The following GAREM1 variants were observed in gnomAD, a reference collection of about 807,000 sequenced individuals.
GAREM1 encodes GRB2 associated regulator of MAPK1 subtype 1.
In GAREM1, 26 loss-of-function variants were observed where a neutral mutation model predicts 71.3. That is an observed-to-expected ratio of 0.36 (90% CI 0.27 to 0.51). The LOEUF is 0.51. Among genes scored for constraint, GAREM1 ranks in the 20% least tolerant of loss-of-function variants. The pLI is 0.95. For missense variants in GAREM1, 1,026 were observed against 1,103.1 expected (o/e 0.93, Z 0.99); for synonymous variants, 440 against 433.2 (o/e 1.02, Z -0.20).
intron 1 of GAREM1, among the ~76,000 whole-genome samples, chr18:32,441,713 G>T (rs367582519): frequency 2.0e-5 from 3 of 151,986 alleles, no homozygotes; most frequent in Non-Finnish European, 2.9e-5. Flanking sequence ...CTCCTTCTTC[G>T]GACACAAGCC....
At chr18:32,433,473 A>G (rs1311216070) in intron 1 of GAREM1, among the ~76,000 whole-genome samples, 1 of 151,870 alleles carries the variant, frequency 6.6e-6, no homozygotes, top group African/African-American at 2.4e-5. Context: ...TTAAAAACAT[A>G]TAATTAAAAA....
At chr18:32,294,030 A>G (rs1477563451) in intron 3 of GAREM1, among the ~76,000 whole-genome samples, 1 of 152,266 alleles carries the variant, frequency 6.6e-6, no homozygotes, top group African/African-American at 2.4e-5. Flanking sequence ...GAAATAAGTA[A>G]TTGTTCCAGA....
intron 1 of GAREM1, among the ~76,000 whole-genome samples, chr18:32,425,218 A>G (rs1369226733): frequency 2.6e-5 from 4 of 152,154 alleles, no homozygotes; most frequent in African/African-American, 7.2e-5. Context: ...TTAAAAATAT[A>G]TATTTTTTCC....
intron 1 of GAREM1, among the ~76,000 whole-genome samples, chr18:32,469,521 G>C (rs774756252): frequency 4.3e-4 from 65 of 152,300 alleles, no homozygotes; most frequent in Non-Finnish European, 8.1e-4. Context: ...GTGTCTACTT[G>C]CTTGACAGTA....
chr18:32,306,451 T>C (rs750501525), intron 3 of GAREM1, among the ~76,000 whole-genome samples: 41 of 144,538 alleles, frequency 2.8e-4, no homozygotes, highest in Non-Finnish European at 5.3e-4. Context: ...CATCACAGAA[T>C]GTTTAGCAGC....
chr18:32,418,618 T>G (rs761902242), intron 1 of GAREM1, among the ~76,000 whole-genome samples: 3 of 152,134 alleles, frequency 2.0e-5, no homozygotes, highest in Non-Finnish European at 4.4e-5. Context: ...ACTGAGAGGC[T>G]AAGGCCTTTC....
chr18:32,282,287 G>A (rs1431258454), intron 4 of GAREM1, among the ~76,000 whole-genome samples: 13 of 152,126 alleles, frequency 8.5e-5, no homozygotes, highest in African/African-American at 1.7e-4. Context: ...TTAGCCAGGC[G>A]TGGTGGCGTG....
In GAREM1 at chr18:32,265,280, C is replaced by T. The variant is rs1423435284; in HGVS notation, c.*2591G>A. 6.6e-6 allele frequency: 1 copy of T among 151,926 alleles called. No individual in the cohort carries two copies. The highest frequency in any genetic ancestry group is 2.4e-5 in the African/African-American group (1 of 41,330). 9.4% of individuals were successfully genotyped at this position (151,926 alleles called of 1,614,324 possible). A position where few individuals can be genotyped will look rare whatever the true frequency, so the allele number is the denominator to read the frequency against. On this transcript the variant is annotated 3_prime_UTR_variant, in exon 6 of 6. Coordinates refer to ENST00000269209, the MANE Select transcript of GAREM1 (RefSeq NM_001242409.2). ...AGTAAAAAAAACAAAAAACAAAAAA[C>T]AAAAAAACAACAACACTAGGCAATG... is the stretch of plus-strand genomic sequence containing the variant.
chr18:32,346,219 G>C (rs1200596437), intron 2 of GAREM1, among the ~76,000 whole-genome samples: 1 of 151,950 alleles, frequency 6.6e-6, no homozygotes, highest in East Asian at 1.9e-4. Flanking sequence ...CATGTAAATT[G>C]CCATGTTTAT....
chr18:32,295,567 G>C (rs1567953365), intron 3 of GAREM1, among the ~76,000 whole-genome samples: 1 of 152,132 alleles, frequency 6.6e-6, no homozygotes, highest in African/African-American at 2.4e-5. Flanking sequence ...ATCAATATGT[G>C]TTTAGAAAAC....
intron 2 of GAREM1, among the ~76,000 whole-genome samples, chr18:32,334,157 A>G (rs1267782584): frequency 6.6e-6 from 1 of 152,168 alleles, no homozygotes; most frequent in Non-Finnish European, 1.5e-5. Flanking sequence ...TCAATTCCCA[A>G]TCTAACTTAG....
chr18:32,361,965 A>G (rs1055841716), intron 2 of GAREM1, among the ~76,000 whole-genome samples: 5 of 152,192 alleles, frequency 3.3e-5, no homozygotes, highest in Non-Finnish European at 5.9e-5. Flanking sequence ...CACTTGAAAA[A>G]TGACTCTTTT....
chr18:32,411,046 G>C lies in GAREM1; in HGVS notation c.122-18011C>G, dbSNP rs937357146. On this transcript the variant is annotated intron_variant, in intron 1 of 5. Coordinates refer to ENST00000269209, the MANE Select transcript of GAREM1 (RefSeq NM_001242409.2). ...TCGAACTCCTGACCTCAAGTGATCTGCCCACCTCAGCCTCCCAAAGTGCTG... is the reference window on the plus strand; with the variant it reads ...TCGAACTCCTGACCTCAAGTGATCTCCCCACCTCAGCCTCCCAAAGTGCTG... Among the ~76,000 whole-genome samples, 6 of 152,096 alleles carry C rather than the reference G, an allele frequency of 3.9e-5. No homozygotes were observed. The South Asian group carries it at 1.2e-3, about 32-fold the overall frequency.
intron 2 of GAREM1, among the ~76,000 whole-genome samples, chr18:32,319,437 A>T (rs2047409569): frequency 6.6e-6 from 1 of 152,234 alleles, no homozygotes; most frequent in Non-Finnish European, 1.5e-5. Context: ...AAAGATATGC[A>T]GCACTTCATT....
intron 2 of GAREM1, among the ~76,000 whole-genome samples, chr18:32,361,539 CTCT>C (rs1272894075): frequency 5.9e-5 from 9 of 152,222 alleles, no homozygotes; most frequent in African/African-American, 1.9e-4. Flanking sequence ...GAGGCGAACT[CTCT>C]TCAAGTTTTG....
rs945986473 is a variant in GAREM1, at chr18:32,308,429, C to A, written c.393+1764G>T. 4.0e-5 allele frequency among the ~76,000 whole-genome samples: 6 copies of A among 149,990 alleles called. 1 individual carries two copies. Among genetic ancestry groups the A allele is most frequent in the African/African-American group, 1.5e-4 (6 of 40,452 alleles). On this transcript the variant is annotated intron_variant, in intron 3 of 5. Coordinates refer to ENST00000269209, the MANE Select transcript of GAREM1 (RefSeq NM_001242409.2). ...GTTACATTTTAATACTAGAGAAAAT[C>A]TTTAAAAATCACTTAAAAATTTACA...
At chr18:32,393,151 C>A in intron 1 of GAREM1, 116 bp from the exon 2 acceptor site, 2 of 924,702 alleles carry the variant, frequency 2.2e-6, no homozygotes, top group Non-Finnish European at 3.1e-6. Flanking sequence ...CAGTTCATCC[C>A]AAGATGAGAT....
intron 2 of GAREM1, among the ~76,000 whole-genome samples, chr18:32,349,694 G>T (rs2047729210): frequency 6.6e-6 from 1 of 152,144 alleles, no homozygotes; most frequent in Non-Finnish European, 1.5e-5. Context: ...AATCTGACTG[G>T]TTTCACCAAC....
At chr18:32,396,495 A>G (rs992112472) in intron 1 of GAREM1, among the ~76,000 whole-genome samples, 2 of 152,226 alleles carry the variant, frequency 1.3e-5, no homozygotes, top group East Asian at 3.9e-4. Context: ...TGGCACGAGA[A>G]CTACGTGACG....
Sources: allele counts gnomAD v4.1 joint callset (sites outside exome capture counted in the v4.1 genomes callset), GRCh38; gene constraint gnomAD v4.1.1; transcripts MANE v1.5; gene names NCBI Gene and HGNC (gene_info 2026-07-23, HGNC 2026-07-21).